QSER1: variants seen among roughly 807,000 people sequenced by gnomAD.
The protein encoded by QSER1 is glutamine and serine rich 1, also known as glutamine and serine-rich protein 1.
Under a neutral mutation model 158.5 loss-of-function variants are expected in QSER1, and 49 were observed. The ratio of observed to expected loss-of-function variants is 0.31; its 90% CI spans 0.25 to 0.39. The LOEUF is 0.39. Among genes scored for constraint, QSER1 ranks in the 10% least tolerant of loss-of-function variants. The probability of loss-of-function intolerance (pLI) is 1.00; values close to 1 mark genes in which losing one functional copy is unlikely to be tolerated. For missense variants in QSER1, 1,754 were observed against 2,010.3 expected (o/e 0.87, Z 2.44); for synonymous variants, 650 against 715.5 (o/e 0.91, Z 1.46).
At chr11:32,895,293 G>GA (rs1216684492) in intron 1 of QSER1, among the ~76,000 whole-genome samples, 3 of 152,172 alleles carry the variant, frequency 2.0e-5, no homozygotes, top group Middle Eastern at 3.4e-3. Flanking sequence ...GCGGTGGGGG[G>GA]AATCAGCTAA....
intron 4 of QSER1, among the ~76,000 whole-genome samples, chr11:32,951,284 T>C (rs556260618): frequency 6.6e-6 from 1 of 152,348 alleles, no homozygotes; most frequent in East Asian, 1.9e-4. Flanking sequence ...TTCTATTCCA[T>C]TGATTTGTAT....
chr11:32,932,880 C>A lies in QSER1; in HGVS notation c.1622C>A (p.Ala541Asp). Residue 541 changes from alanine to aspartate, a missense_variant, in exon 4 of 13, where the codon GCT becomes GAT. Ala to Asp is a moderately radical substitution (Grantham distance 126). This residue lies in a region of QSER1 where 1,707 missense variants were observed against 1,919.6 expected (regional missense o/e 0.89). Transcript: ENST00000650167. ...LSSVTNENYP[A>D]QTRDLSSVSQ... ...TCAGTTACAAATGAGAATTACCCTG[C>A]TCAAACAAGAGATCTGTCTTCAGTA... 6.2e-7 allele frequency: 1 copy of A among 1,614,062 alleles called. No individual in the cohort carries two copies. The highest frequency in any genetic ancestry group is 8.5e-7 in the Non-Finnish European group (1 of 1,179,992).
chr11:32,945,164 C>T (rs1341036670), intron 4 of QSER1, among the ~76,000 whole-genome samples: 1 of 137,614 alleles, frequency 7.3e-6, no homozygotes, highest in Non-Finnish European at 1.6e-5. Context: ...GAATACAGCA[C>T]ACTGATGGGT....
chr11:32,931,513 TC>T (rs1326632335), intron 3 of QSER1, among the ~76,000 whole-genome samples: 1 of 151,846 alleles, frequency 6.6e-6, no homozygotes, highest in African/African-American at 2.4e-5. Context: ...AAGACTGCAC[TC>T]TAGCCTGGGC....
At position 32,973,707 on chromosome 11, in the gene QSER1, G is replaced by A. The variant is rs548355991; in HGVS notation, c.5358+158G>A. ...CGTCACTGGCCTGAGGAACAGGGAC[G>A]CATGGTGGTTTATTGTTTTTCTATA... On this transcript the variant is annotated intron_variant, in intron 11 of 12. Transcript: ENST00000650167. Among the ~76,000 whole-genome samples the A allele has an allele frequency of 8.5e-5, 13 of 152,314 alleles. No individual in the cohort carries two copies. The East Asian group carries it at 1.7e-3, about 20-fold the overall frequency.
At position 32,928,010 on chromosome 11, in the gene QSER1, C is replaced by T; in HGVS notation, c.371C>T (p.Thr124Ile). The T allele has an allele frequency of 6.5e-7, 1 of 1,538,870 alleles. No homozygotes were observed. Among genetic ancestry groups the T allele is most frequent in the Non-Finnish European group, 9.0e-7 (1 of 1,112,622 alleles). ...AGTGTGAACAGTGCCAGCAGTAACA[C>T]TAAAGAGTCTTCAGTGATGAATTTT... ...DTSVNSASSN[T>I]KESSVMNFLS... Residue 124 changes from threonine (T) to isoleucine (I), a missense_variant, in exon 3 of 13, where the codon ACT (threonine) becomes ATT (isoleucine). Physicochemically the swap from Thr to Ile is moderately conservative, Grantham distance 89. Coordinates refer to ENST00000650167, the MANE Select transcript of QSER1 (RefSeq NM_001076786.3).
intron 4 of QSER1, among the ~76,000 whole-genome samples, chr11:32,942,030 C>G (rs1250026319): frequency 6.7e-6 from 1 of 150,088 alleles, no homozygotes; most frequent in Admixed American, 6.6e-5. Context: ...TAAATGTCTT[C>G]TTTTGAGAAG....
chr11:32,973,182 G>A (rs1025704021), intron 10 of QSER1, among the ~76,000 whole-genome samples: 1 of 152,188 alleles, frequency 6.6e-6, no homozygotes, highest in Non-Finnish European at 1.5e-5. Context: ...GCTGCAAAGA[G>A]CTTATGACCA....
At chr11:32,895,955 T>A (rs796434791) in intron 1 of QSER1, among the ~76,000 whole-genome samples, 11 of 152,322 alleles carry the variant, frequency 7.2e-5, no homozygotes, top group African/African-American at 2.4e-4. Context: ...TAAATGGGGC[T>A]TATAGAAAGA....
chr11:32,948,666 TA>T (rs1339724040), intron 4 of QSER1, among the ~76,000 whole-genome samples: 3 of 152,240 alleles, frequency 2.0e-5, no homozygotes, highest in African/African-American at 7.2e-5. Flanking sequence ...TGGTTTGTTT[TA>T]AAACTTCCTA....
At position 32,932,609 on chromosome 11, in the gene QSER1, G is replaced by T. The variant is rs750648269; in HGVS notation, c.1351G>T (p.Gly451Cys). 1 of 1,614,030 alleles carries T rather than the reference G, an allele frequency of 6.2e-7. No homozygotes were observed. Among genetic ancestry groups the T allele is most frequent in the South Asian group, 1.1e-5 (1 of 91,058 alleles). Reference sequence around the variant, plus strand: ...ACATAATCAGAGTTCTGTAATATCGGGCCAAGCACAAATTTATTCTACAGC... The same window carrying T: ...ACATAATCAGAGTTCTGTAATATCGTGCCAAGCACAAATTTATTCTACAGC... ...PLHNQSSVIS[G>C]QAQIYSTAQL... Residue 451 changes from glycine (G) to cysteine (C), a missense_variant, in exon 4 of 13, where the codon GGC becomes TGC. Coordinates refer to ENST00000650167, the MANE Select transcript of QSER1 (RefSeq NM_001076786.3).
chr11:32,918,251 T>G (rs1014998028), intron 1 of QSER1, among the ~76,000 whole-genome samples: 1 of 152,168 alleles, frequency 6.6e-6, no homozygotes, highest in Non-Finnish European at 1.5e-5. Context: ...GCAAAGGCCC[T>G]GTCCTTAAGG....
Position 32,969,152 on chromosome 11 carries a change from T to C in QSER1, c.5205+9T>C. 1.3e-6 allele frequency: 2 copies of C among 1,495,608 alleles called. No homozygotes were observed. The highest frequency in any genetic ancestry group is 1.8e-6 in the Non-Finnish European group (2 of 1,084,022). The allele number at this position is 1,495,608 out of a possible 1,614,324, so 92.6% of individuals were successfully genotyped here. ...TGGATCAATCATTCAAGGTATTTCC[T>C]TCTGATGACTTATTAGCAAAACTCA... is the stretch of plus-strand genomic sequence containing the variant. On this transcript the variant is annotated intron_variant, in intron 10 of 12. Transcript: ENST00000650167.
chr11:32,944,784 G>A (rs1289036492), intron 4 of QSER1, among the ~76,000 whole-genome samples: 2 of 140,640 alleles, frequency 1.4e-5, no homozygotes, highest in African/African-American at 5.4e-5. Context: ...CAATTCCTGG[G>A]TATCCTTGTT....
Position 32,933,244 on chromosome 11 carries a change from A to G in QSER1, c.1986A>G (p.Leu662=), listed in dbSNP as rs1228353942. ...SFASSTHCQT[L]QNNITSPDPK... Reference sequence around the variant, plus strand: ...CATCCTCTACTCATTGTCAGACATTACAAAATAACATAACTTCCCCTGACC... The same window carrying G: ...CATCCTCTACTCATTGTCAGACATTGCAAAATAACATAACTTCCCCTGACC... Residue 662 remains leucine, a synonymous_variant, in exon 4 of 13, where the codon TTA becomes TTG. Transcript: ENST00000650167. The G allele has an allele frequency of 2.5e-6, 4 of 1,613,734 alleles. No homozygotes were observed. Among genetic ancestry groups the G allele is most frequent in the South Asian group, 1.1e-5 (1 of 90,950 alleles).
intron 4 of QSER1, among the ~76,000 whole-genome samples, chr11:32,946,005 AC>A (rs1852325051): frequency 6.6e-6 from 1 of 151,652 alleles, no homozygotes; most frequent in South Asian, 2.1e-4. Context: ...CATTGCTGAT[AC>A]CCTTTCTTCC....
At chr11:32,955,220 C>T (rs1359980282) in intron 5 of QSER1, 76 bp from the exon 6 acceptor site, 1 of 773,346 alleles carries the variant, frequency 1.3e-6, no homozygotes, top group Non-Finnish European at 2.1e-6. Context: ...CTTTCAGATT[C>T]CTTTCATCTC....
chr11:32,894,284 A>C (rs1785998478), intron 1 of QSER1, among the ~76,000 whole-genome samples: 1 of 152,178 alleles, frequency 6.6e-6, no homozygotes, highest in South Asian at 2.1e-4. Flanking sequence ...AAACGGTCCC[A>C]TTTGAATGAT....
In QSER1 at chr11:32,954,176, T is replaced by C. The variant is rs1329872971; in HGVS notation, c.4497T>C (p.Phe1499=). The C allele has an allele frequency of 6.2e-7, 1 of 1,611,164 alleles. No homozygotes were observed. The highest frequency in any genetic ancestry group is 1.1e-5 in the South Asian group (1 of 90,886). ...FVVKIEDIET[F]KEALKTGKEP... ...TAAAGATAGAAGACATAGAGACTTT[T>C]AAGGTGATGTCAGTGTTCACCAGTG... Residue 1499 remains phenylalanine, a synonymous_variant, in exon 5 of 13, where the codon TTT becomes TTC. Coordinates refer to ENST00000650167, the MANE Select transcript of QSER1 (RefSeq NM_001076786.3).
Sources: allele counts gnomAD v4.1 joint callset (sites outside exome capture counted in the v4.1 genomes callset), GRCh38; gene constraint gnomAD v4.1.1; regional missense constraint gnomAD v4.1.1; transcripts MANE v1.5; gene names NCBI Gene and HGNC (gene_info 2026-07-23, HGNC 2026-07-21).